Variants in IFITM10 observed in about 807,000 individuals in gnomAD.
The protein encoded by IFITM10 is interferon-induced transmembrane protein 10.
IFITM10 carries 17 observed loss-of-function variants against 19.0 expected under a neutral mutation model. That is an observed-to-expected ratio of 0.90 (90% CI 0.61 to 1.34). The LOEUF is 1.34. Among genes scored for constraint, IFITM10 ranks in the 40% most tolerant of loss-of-function variants. The pLI is 0.00. For synonymous variants in IFITM10, 148 were observed against 147.2 expected, an observed-to-expected ratio of 1.01 and a Z score of -0.04; for missense variants, 306 against 319.8, an observed-to-expected ratio of 0.96 and a Z score of 0.33.
rs368327325 is a variant in IFITM10 at position 1,737,985 on chromosome 11, G to A, written c.538-2556C>T. 1.1e-4 allele frequency among the ~76,000 whole-genome samples: 16 copies of A among 152,198 alleles called. No homozygotes were observed. The East Asian group carries it at 2.9e-3, about 28-fold the overall frequency. On this transcript the variant is annotated intron_variant, in intron 2 of 2. Transcript: ENST00000340134. Reference sequence around the variant, plus strand: ...GAGGGCAGGAGGCTGAGGCAGCTGGGGTATTGGGTGCATAGAAAATGGCGG... The same window carrying A: ...GAGGGCAGGAGGCTGAGGCAGCTGGAGTATTGGGTGCATAGAAAATGGCGG...
chr11:1,744,950 G>C (rs547464481), intron 2 of IFITM10: 1 of 152,284 alleles, frequency 6.6e-6, no homozygotes, highest in Admixed American at 6.5e-5. Flanking sequence ...ATTCCCAGGC[G>C]TGGGGTCCAC....
chr11:1,739,227 G>A (rs1170316303), intron 2 of IFITM10, among the ~76,000 whole-genome samples: 1 of 152,080 alleles, frequency 6.6e-6, no homozygotes, highest in East Asian at 1.9e-4. Flanking sequence ...ATATAGTAAC[G>A]GATGCTGGAT....
intron 2 of IFITM10, 69 bp from the exon 3 acceptor site, chr11:1,735,498 C>G (rs1851077437): frequency 4.9e-6 from 7 of 1,435,482 alleles, no homozygotes; most frequent in Admixed American, 2.1e-5. Context: ...ATCCAGGAGC[C>G]CAGCAGAGCC....
At chr11:1,741,674 T>C (rs1327529262) in intron 2 of IFITM10, among the ~76,000 whole-genome samples, 1 of 151,884 alleles carries the variant, frequency 6.6e-6, no homozygotes, top group Non-Finnish European at 1.5e-5. Flanking sequence ...GCTCTGGCTA[T>C]AGAGATGGAT....
intron 2 of IFITM10, among the ~76,000 whole-genome samples, chr11:1,742,865 A>G (rs545679373): frequency 6.6e-6 from 1 of 152,130 alleles, no homozygotes; most frequent in South Asian, 2.1e-4. Context: ...GGGTGGATGG[A>G]CGGAGGGAGG....
rs1565010278 is a variant in IFITM10, at chr11:1,735,338, G to T, written c.629C>A (p.Ala210Glu). Residue 210 changes from alanine to glutamate, a missense_variant, in exon 3 of 3, where the codon GCA becomes GAA. Transcript: ENST00000340134. ...RLFNITSSALAASCIILVFIF... is the reference protein window; with the variant it reads ...RLFNITSSALEASCIILVFIF... ...GAAGACGAGGATGATGCAGGAGGCT[G>T]CCAGGGCAGAACTGGTGATGTTGAA... The T allele has an allele frequency of 6.4e-7, 1 of 1,551,736 alleles. No individual in the cohort carries two copies. The highest frequency in any genetic ancestry group is 8.7e-7 in the Non-Finnish European group (1 of 1,146,982).
intron 2 of IFITM10, among the ~76,000 whole-genome samples, chr11:1,743,417 G>C (rs1007884304): frequency 6.6e-6 from 1 of 151,254 alleles, no homozygotes; most frequent in African/African-American, 2.4e-5. Context: ...GATGGATGGA[G>C]GGTGGATGGA....
At chr11:1,737,387 A>T (rs1049177543) in intron 2 of IFITM10, among the ~76,000 whole-genome samples, 1 of 152,222 alleles carries the variant, frequency 6.6e-6, no homozygotes, top group South Asian at 2.1e-4. Flanking sequence ...GTCTACTCCT[A>T]GACAGCACAG....
rs1261433046 is a variant in IFITM10, at chr11:1,734,994, C to T, written c.*286G>A. On this transcript the variant is annotated 3_prime_UTR_variant, in exon 3 of 3. Coordinates refer to ENST00000340134, the MANE Select transcript of IFITM10 (RefSeq NM_001170820.4). ...GGGAAGGGGCACGTGAGGGCAGGGA[C>T]ACAGACGCTGGAAGCCAGGGTGCAG... The T allele has an allele frequency of 2.2e-5, 10 of 450,558 alleles. No individual in the cohort carries two copies. In the East Asian group the frequency reaches 3.3e-4, roughly 15 times the overall value. The allele number at this position is 450,558 out of a possible 1,614,324, so 27.9% of individuals were successfully genotyped here.
intron 1 of IFITM10, chr11:1,748,836 C>T (rs916345788): frequency 3.1e-5 from 5 of 163,440 alleles, no homozygotes; most frequent in Admixed American, 6.5e-5. Flanking sequence ...CATACATAGA[C>T]GCACAATAAC....
chr11:1,748,221 C>T (rs1845673512), intron 1 of IFITM10, 102 bp from the exon 2 acceptor site: 2 of 918,624 alleles, frequency 2.2e-6, no homozygotes, highest in Non-Finnish European at 2.9e-6. Flanking sequence ...GACGGAAATC[C>T]CTGCGGGGGC....
At chr11:1,748,553 C>A (rs1227758066) in intron 1 of IFITM10, 1 of 164,402 alleles carries the variant, frequency 6.1e-6, no homozygotes, top group African/African-American at 2.4e-5. Context: ...AGCACCTGCC[C>A]ACGGCGCCCG....
chr11:1,750,379 C>T lies in IFITM10; in HGVS notation c.64G>A (p.Glu22Lys), dbSNP rs755239766. 27 of 1,550,396 alleles carry T rather than the reference C, an allele frequency of 1.7e-5. No individual in the cohort carries two copies. Among genetic ancestry groups the T allele is most frequent in the South Asian group, 8.3e-5 (7 of 84,062 alleles). Reference protein sequence around the residue: ...LSFRGTLERVEAQWELEAQGP... With the variant: ...LSFRGTLERVKAQWELEAQGP... ...CCAACCTCCAGCTCCCACTGAGCCT[C>T]GACCCTCTCCAAAGTCCCCCGGAAG... Residue 22 changes from glutamate (E) to lysine (K), a missense_variant, in exon 1 of 3, where the codon GAG (glutamate) becomes AAG (lysine). Physicochemically the swap from Glu to Lys is moderately conservative, Grantham distance 56. Coordinates refer to ENST00000340134, the MANE Select transcript of IFITM10 (RefSeq NM_001170820.4).
Position 1,735,050 on chromosome 11 carries a change from C to A in IFITM10, c.*230G>T. 1 of 545,942 alleles carries A rather than the reference C, an allele frequency of 1.8e-6. No homozygotes were observed. The highest frequency in any genetic ancestry group is 2.6e-5 in the South Asian group (1 of 38,264). The allele number at this position is 545,942 out of a possible 1,614,324, so 33.8% of individuals were successfully genotyped here. A position where few individuals can be genotyped will look rare whatever the true frequency, so the allele number is the denominator to read the frequency against. On this transcript the variant is annotated 3_prime_UTR_variant, in exon 3 of 3. Transcript: ENST00000340134. ...AGGGGAGAAGCCCCCAGGCCCCAGA[C>A]ACAGGCAGGGTGGAGGCCAGGAGGC... is the stretch of plus-strand genomic sequence containing the variant.
rs571530914 is a variant in IFITM10, at chr11:1,733,394, C to T, written c.*1886G>A. ...CCCTCCCATTTTGAGGTCACACACT[C>T]CCCTCCCCTCTTCCCTGAGCACCCC... On this transcript the variant is annotated 3_prime_UTR_variant, in exon 3 of 3. Coordinates refer to ENST00000340134, the MANE Select transcript of IFITM10 (RefSeq NM_001170820.4). This position sits in a 1 kb window ranked among gnomAD's most constrained non-coding sequence, Gnocchi z 6.3. The T allele has an allele frequency of 3.9e-5, 6 of 152,430 alleles. No homozygotes were observed. Among genetic ancestry groups the T allele is most frequent in the Admixed American group, 3.9e-4 (6 of 15,284 alleles). 9.4% of individuals were successfully genotyped at this position (152,430 alleles called of 1,614,324 possible). A position where few individuals can be genotyped will look rare whatever the true frequency, so the allele number is the denominator to read the frequency against.
rs1851070367 is a variant in IFITM10, at chr11:1,735,038, C to T, written c.*242G>A. ...GGTGCAGCAGCGAGGGGAGAAGCCC[C>T]CAGGCCCCAGACACAGGCAGGGTGG... On this transcript the variant is annotated 3_prime_UTR_variant, in exon 3 of 3. Transcript: ENST00000340134. The T allele has an allele frequency of 1.9e-6, 1 of 530,224 alleles. No individual in the cohort carries two copies. The highest frequency in any genetic ancestry group is 1.9e-5 in the African/African-American group (1 of 51,760). 32.8% of individuals were successfully genotyped at this position (530,224 alleles called of 1,614,324 possible). A position where few individuals can be genotyped will look rare whatever the true frequency, so the allele number is the denominator to read the frequency against.
intron 2 of IFITM10, chr11:1,746,182 GCA>G (rs1425583896): frequency 1.2e-5 from 2 of 173,054 alleles, no homozygotes; most frequent in Admixed American, 6.5e-5. Flanking sequence ...ACACACACAT[GCA>G]CACAGGTACA....
intron 1 of IFITM10, chr11:1,748,970 G>A: frequency 3.3e-6 from 3 of 907,294 alleles, no homozygotes; most frequent in Middle Eastern, 4.0e-4. Context: ...GCAGCCCCCA[G>A]CCCCATCCGG....
chr11:1,735,510 G>A, intron 2 of IFITM10, 81 bp from the exon 3 acceptor site: 1 of 1,278,758 alleles, frequency 7.8e-7, no homozygotes, highest in African/African-American at 1.5e-5. Flanking sequence ...AGCAGAGCCG[G>A]TGCCACAGTG....
Sources: allele counts gnomAD v4.1 joint callset (sites outside exome capture counted in the v4.1 genomes callset), GRCh38; gene constraint gnomAD v4.1.1; non-coding constraint Gnocchi (gnomAD v3.1); transcripts MANE v1.5; gene names NCBI Gene and HGNC (gene_info 2026-07-23, HGNC 2026-07-21).